TEAD4: variants seen among roughly 807,000 people sequenced by gnomAD.
The protein encoded by TEAD4 is TEA domain transcription factor 4, also known as transcriptional enhancer factor TEF-3.
A neutral mutation model predicts 52.4 loss-of-function variants in TEAD4; 36 were observed. The observed-to-expected ratio is 0.69, with a 90% CI of 0.53 to 0.91. The LOEUF is 0.91. TEAD4 is among the 40% of genes least tolerant of loss of function. The pLI is 0.00. For missense variants in TEAD4, 508 were observed against 583.9 expected, an observed-to-expected ratio of 0.87 and a Z score of 1.34; for synonymous variants, 220 against 231.0, an observed-to-expected ratio of 0.95 and a Z score of 0.43.
chr12:3,025,237 C>T (rs570802554), intron 10 of TEAD4, among the ~76,000 whole-genome samples: 4 of 152,264 alleles, frequency 2.6e-5, no homozygotes, highest in South Asian at 2.1e-4. Context: ...CCACTGCGCC[C>T]GGCCTGAGCA....
intron 2 of TEAD4, among the ~76,000 whole-genome samples, chr12:2,964,803 C>T (rs1252974215): frequency 2.6e-5 from 4 of 151,974 alleles, no homozygotes; most frequent in Non-Finnish European, 4.4e-5. Context: ...GCAGGCAGAG[C>T]GAGACAGTGG....
chr12:3,015,002 A>G (rs2098263302), intron 5 of TEAD4, among the ~76,000 whole-genome samples: 1 of 152,084 alleles, frequency 6.6e-6, no homozygotes, highest in Non-Finnish European at 1.5e-5. Context: ...TGAAAATTCC[A>G]AGTGTCCTGG....
chr12:3,016,900 C>T (rs2098264990), intron 5 of TEAD4, among the ~76,000 whole-genome samples: 4 of 152,132 alleles, frequency 2.6e-5, no homozygotes, highest in Admixed American at 2.6e-4. Context: ...ATGGGTGAGT[C>T]CCAGGTGCCT....
Position 3,040,603 on chromosome 12 carries a change from C to A in TEAD4, c.*125C>A. ...CTGAGAGGAGCAGTTGTGACTCTAC[C>A]CAGGAACAAACTGTGCCTGAACCTG... On this transcript the variant is annotated 3_prime_UTR_variant, in exon 13 of 13. Transcript: ENST00000359864. 1.2e-6 allele frequency: 1 copy of A among 824,680 alleles called. No individual in the cohort carries two copies. Among genetic ancestry groups the A allele is most frequent in the Non-Finnish European group, 2.0e-6 (1 of 509,742 alleles). The allele number at this position is 824,680 out of a possible 1,614,324, so 51.1% of individuals were successfully genotyped here.
intron 2 of TEAD4, among the ~76,000 whole-genome samples, chr12:2,963,679 T>G (rs1041746916): frequency 6.6e-6 from 1 of 152,206 alleles, no homozygotes; most frequent in Non-Finnish European, 1.5e-5. Flanking sequence ...CCCGCTACTA[T>G]CTGGGAGATT....
Position 3,040,183 on chromosome 12 carries a change from A to G in TEAD4, c.1115A>G (p.Asn372Ser), listed in dbSNP as rs1362508195. The G allele has an allele frequency of 1.2e-6, 2 of 1,614,208 alleles. No individual in the cohort carries two copies. Among genetic ancestry groups the G allele is most frequent in the Admixed American group, 1.7e-5 (1 of 60,024 alleles). The change falls in exon 12 of 13, where the codon AAC becomes AGC. Residue 372 changes from asparagine (N) to serine (S), a missense_variant. Transcript: ENST00000359864. ...TCCCCGCTCTGTGAGTACATGATCA[A>G]CTTCATCCACAAGCTCAAGCACCTC...
At chr12:2,978,886 G>A (rs1483318896) in intron 2 of TEAD4, among the ~76,000 whole-genome samples, 2 of 152,010 alleles carry the variant, frequency 1.3e-5, no homozygotes, top group East Asian at 3.9e-4. Context: ...GTTCATCCAT[G>A]TTGTAGCCTA....
intron 2 of TEAD4, among the ~76,000 whole-genome samples, chr12:2,970,128 A>G (rs1443913943): frequency 6.6e-6 from 1 of 152,242 alleles, no homozygotes; most frequent in Non-Finnish European, 1.5e-5. Context: ...ACCTATGACT[A>G]CAATATTATC....
intron 2 of TEAD4, chr12:2,960,365 G>A: frequency 1.0e-6 from 1 of 985,626 alleles, no homozygotes; most frequent in Non-Finnish European, 1.2e-6. Context: ...TAAGCGGACT[G>A]CCTGTTTTAA....
intron 3 of TEAD4, among the ~76,000 whole-genome samples, chr12:3,002,926 T>C (rs1326410345): frequency 6.6e-6 from 1 of 152,174 alleles, no homozygotes; most frequent in Non-Finnish European, 1.5e-5. Context: ...TCAGGCCCAA[T>C]TGCTGCCTTC....
rs190928821 is a variant in TEAD4, at chr12:3,021,434, C to T, written c.724-410C>T. ...CAAGCGACTCTCCCGCCTTAGCCTC[C>T]GGAGTAGCTGGGATTACAGGTGCCT... On this transcript the variant is annotated intron_variant, in intron 9 of 12. Transcript: ENST00000359864. 9.9e-5 allele frequency among the ~76,000 whole-genome samples: 15 copies of T among 152,016 alleles called. No homozygotes were observed. In the East Asian group the frequency reaches 1.9e-3, roughly 20 times the overall value.
intron 2 of TEAD4, among the ~76,000 whole-genome samples, chr12:2,966,406 T>G (rs369827903): frequency 1.0e-4 from 15 of 146,510 alleles, no homozygotes; most frequent in Admixed American, 7.9e-4. Flanking sequence ...GTTTCTCATT[T>G]CTTTTTCTTT....
intron 2 of TEAD4, among the ~76,000 whole-genome samples, chr12:2,977,792 C>T (rs1237349941): frequency 6.6e-6 from 1 of 152,190 alleles, no homozygotes; most frequent in African/African-American, 2.4e-5. Flanking sequence ...GGAAGGGGCA[C>T]TGCTCAGCAA....
At chr12:2,969,925 A>G (rs1413865354) in intron 2 of TEAD4, among the ~76,000 whole-genome samples, 2 of 151,230 alleles carry the variant, frequency 1.3e-5, no homozygotes, top group Non-Finnish European at 3.0e-5. Context: ...CCTAGGAGTT[A>G]CATTTAAAAA....
intron 3 of TEAD4, among the ~76,000 whole-genome samples, chr12:2,995,316 G>T (rs961443293): frequency 1.3e-5 from 2 of 152,122 alleles, no homozygotes; most frequent in South Asian, 2.1e-4. Flanking sequence ...TGCCTGACCA[G>T]CAGGCTGCCC....
chr12:3,031,640 G>A (rs963449573), intron 10 of TEAD4, among the ~76,000 whole-genome samples: 12 of 152,186 alleles, frequency 7.9e-5, no homozygotes, highest in Admixed American at 7.2e-4. Flanking sequence ...GATGGGCCCA[G>A]ATAGACTGAG....
chr12:2,967,584 T>G (rs548322154), intron 2 of TEAD4, among the ~76,000 whole-genome samples: 1 of 152,314 alleles, frequency 6.6e-6, no homozygotes, highest in Admixed American at 6.5e-5. Context: ...TATGTAAGTC[T>G]AGAATAGAGT....
At chr12:2,977,844 C>T (rs1398798588) in intron 2 of TEAD4, among the ~76,000 whole-genome samples, 1 of 152,204 alleles carries the variant, frequency 6.6e-6, no homozygotes, top group African/African-American at 2.4e-5. Flanking sequence ...CCCTGGGACA[C>T]CTAGGTTTTC....
chr12:3,010,483 C>A (rs11614257), intron 3 of TEAD4, among the ~76,000 whole-genome samples: 8,999 of 152,296 alleles, frequency 0.059, 359 homozygotes, highest in Non-Finnish European at 0.091. Flanking sequence ...TCTCCAGGGA[C>A]ACTAAGTGTC....
Sources: gnomAD v4.1 joint callset for allele counts (sites outside exome capture counted in the v4.1 genomes callset) on GRCh38, gnomAD v4.1.1 for gene constraint, MANE v1.5 for transcripts, NCBI Gene and HGNC (gene_info 2026-07-23, HGNC 2026-07-21) for gene names.